The following NPIPA5 variants were observed in gnomAD, a reference collection of about 807,000 sequenced individuals.
NPIPA5 encodes the protein nuclear pore complex interacting protein family member A5, also known as nuclear pore complex-interacting protein family member A5.
NPIPA5 carries 6 observed loss-of-function variants against 21.4 expected under a neutral mutation model. That is an observed-to-expected ratio of 0.28 (90% CI 0.15 to 0.55). NPIPA5 has a LOEUF of 0.55. Ranked by LOEUF, NPIPA5 falls within the 20% of genes least tolerant of loss-of-function variation. The probability of loss-of-function intolerance (pLI) is 0.93; values close to 1 mark genes in which losing one functional copy is unlikely to be tolerated. For synonymous variants in NPIPA5, 33 were observed against 115.3 expected (o/e 0.29, Z 4.57); for missense variants, 99 against 318.2 (o/e 0.31, Z 5.24).
At chr16:15,367,335 G>A (rs973723223) in intron 4 of NPIPA5, among the ~76,000 whole-genome samples, 4 of 152,060 alleles carry the variant, frequency 2.6e-5, no homozygotes, top group Non-Finnish European at 5.9e-5. Flanking sequence ...TCTTGTCATC[G>A]ACTTTAAAGA....
At chr16:15,367,156 T>A (rs2049997908) in intron 4 of NPIPA5, among the ~76,000 whole-genome samples, 1 of 152,138 alleles carries the variant, frequency 6.6e-6, no homozygotes, top group Non-Finnish European at 1.5e-5. Context: ...ACTAACTCCA[T>A]CGGAAGCAGA....
intron 1 of NPIPA5, among the ~76,000 whole-genome samples, chr16:15,375,513 G>C (rs2150878036): frequency 6.6e-6 from 1 of 151,696 alleles, no homozygotes; most frequent in South Asian, 2.1e-4. Flanking sequence ...GGAAGCCGAG[G>C]TGGGTGGACC....
At position 15,366,928 on chromosome 16, in the gene NPIPA5, A is replaced by AC. The variant is rs1567406754; in HGVS notation, c.438-169_438-168insG. ...GAGAATGGACACCTCCCATTGAGGG[A>AC]TAAAAAAAAATCACACTCTGGCCTG... On this transcript the variant is annotated intron_variant, in intron 4 of 7. Transcript: ENST00000360151. Among the ~76,000 whole-genome samples the AC allele has an allele frequency of 1.1e-4, 17 of 152,130 alleles. No individual in the cohort carries two copies. The East Asian group carries it at 2.9e-3, about 26-fold the overall frequency.
At chr16:15,374,025 A>G (rs2050221350) in intron 1 of NPIPA5, among the ~76,000 whole-genome samples, 182 bp from the exon 2 acceptor site, 1 of 111,750 alleles carries the variant, frequency 8.9e-6, no homozygotes, top group African/African-American at 3.5e-5. Flanking sequence ...TGTTTTTCAG[A>G]TGGCTGGTAG....
chr16:15,370,481 G>A (rs2050123519), intron 2 of NPIPA5, among the ~76,000 whole-genome samples: 1 of 145,658 alleles, frequency 6.9e-6, no homozygotes, highest in South Asian at 2.3e-4. Context: ...GGCTGGCATG[G>A]TGGCTCACTC....
intron 4 of NPIPA5, among the ~76,000 whole-genome samples, chr16:15,369,301 C>G (rs1006990330): frequency 1.9e-3 from 285 of 148,136 alleles, no homozygotes; most frequent in Middle Eastern, 3.5e-3. Flanking sequence ...AGTAAAAATA[C>G]AAAAATTAGC....
chr16:15,367,116 T>C (rs2150848551), intron 4 of NPIPA5, among the ~76,000 whole-genome samples: 1 of 152,244 alleles, frequency 6.6e-6, no homozygotes, highest in East Asian at 1.9e-4. Flanking sequence ...TAGTTCAGTG[T>C]GAAAAACCAG....
chr16:15,366,893 C>T, intron 4 of NPIPA5, 133 bp from the exon 5 acceptor site: 5 of 1,512,578 alleles, frequency 3.3e-6, no homozygotes, highest in Non-Finnish European at 4.4e-6. Flanking sequence ...CTGATTCTCA[C>T]AACCGAAGGG....
intron 1 of NPIPA5, among the ~76,000 whole-genome samples, chr16:15,377,777 G>C (rs1361856121): frequency 6.7e-6 from 1 of 149,592 alleles, no homozygotes; most frequent in Non-Finnish European, 1.5e-5. Context: ...GTTCTCAAGC[G>C]CTGGTGGAAG....
chr16:15,377,710 T>G (rs1268345578), intron 1 of NPIPA5, among the ~76,000 whole-genome samples: 7 of 69,304 alleles, frequency 1.0e-4, no homozygotes, highest in Admixed American at 1.8e-4. Flanking sequence ...AAGGGGGCTG[T>G]TGGGGAGGAG....
chr16:15,377,630 G>A (rs2050336919), intron 1 of NPIPA5, among the ~76,000 whole-genome samples: 2 of 126,272 alleles, frequency 1.6e-5, no homozygotes, highest in South Asian at 3.0e-4. Flanking sequence ...GAGTTGGGGA[G>A]GGGGAGGGGA....
chr16:15,379,015 G>A (rs1297501408), upstream of NPIPA5, among the ~76,000 whole-genome samples: 2 of 149,276 alleles, frequency 1.3e-5, no homozygotes, highest in African/African-American at 4.9e-5. Flanking sequence ...GGGGCCTGGT[G>A]ACCAGGACAG....
intron 1 of NPIPA5, among the ~76,000 whole-genome samples, chr16:15,377,830 C>T (rs2050349095): frequency 6.6e-6 from 1 of 150,712 alleles, no homozygotes; most frequent in Admixed American, 6.6e-5. Flanking sequence ...AGCAACAGGA[C>T]AGGCGGGGCA....
At chr16:15,379,336 G>A (rs915824961), upstream of NPIPA5, among the ~76,000 whole-genome samples, 13 of 152,058 alleles carry the variant, frequency 8.5e-5, no homozygotes, top group East Asian at 1.9e-4. Flanking sequence ...TTGGGAGGCC[G>A]AGGTGGGCGG....
chr16:15,371,406 C>T lies in NPIPA5; in HGVS notation c.193-1287G>A, dbSNP rs570551313. On this transcript the variant is annotated intron_variant, in intron 2 of 7. Coordinates refer to ENST00000360151, the MANE Select transcript of NPIPA5 (RefSeq NM_001277325.2). ...CATATTATCACAGTATGCTTTTAAT[C>T]TTCGAAGATATTAAATATTTGTTCT... 3.4e-5 allele frequency among the ~76,000 whole-genome samples: 5 copies of T among 148,252 alleles called. 2 individuals carry two copies. The East Asian group carries it at 1.0e-3, about 30-fold the overall frequency.
chr16:15,375,889 G>C (rs142801107), intron 1 of NPIPA5, among the ~76,000 whole-genome samples: 1,889 of 151,824 alleles, frequency 0.012, 43 homozygotes, highest in African/African-American at 0.042. Context: ...CAGACAGCTT[G>C]TGATAACATT....
Position 15,370,771 on chromosome 16 carries a change from C to T in NPIPA5, c.193-652G>A, listed in dbSNP as rs756116347. On this transcript the variant is annotated intron_variant, in intron 2 of 7. Coordinates refer to ENST00000360151, the MANE Select transcript of NPIPA5 (RefSeq NM_001277325.2). Reference sequence around the variant, plus strand: ...TGTCTCAAAAAAAAAAAAAAATAGGCCAGGTGCGGTAGCTCACGCCTGTAA... The same window carrying T: ...TGTCTCAAAAAAAAAAAAAAATAGGTCAGGTGCGGTAGCTCACGCCTGTAA... 6.8e-5 allele frequency among the ~76,000 whole-genome samples: 10 copies of T among 146,088 alleles called. 1 individual carries two copies. The South Asian group carries it at 1.8e-3, about 26-fold the overall frequency.
chr16:15,377,847 C>T (rs1445630386), intron 1 of NPIPA5, among the ~76,000 whole-genome samples: 2 of 150,548 alleles, frequency 1.3e-5, no homozygotes, highest in African/African-American at 2.4e-5. Flanking sequence ...GGCAAGGGAG[C>T]GTGAGGCTTA....
intron 2 of NPIPA5, among the ~76,000 whole-genome samples, chr16:15,370,522 C>A (rs1189122493): frequency 6.8e-6 from 1 of 146,872 alleles, no homozygotes; most frequent in Non-Finnish European, 1.5e-5. Flanking sequence ...GAGGCCGAGG[C>A]AGGCGGAACA....
Sources: gnomAD v4.1 joint callset for allele counts (sites outside exome capture counted in the v4.1 genomes callset) on GRCh38, gnomAD v4.1.1 for gene constraint, MANE v1.5 for transcripts, NCBI Gene and HGNC (gene_info 2026-07-23, HGNC 2026-07-21) for gene names.